Variants in CNTN5 observed in about 807,000 individuals in gnomAD.
CNTN5 encodes the protein contactin-5.
A neutral mutation model predicts 129.1 loss-of-function variants in CNTN5; 77 were observed. The ratio of observed to expected loss-of-function variants is 0.60; its 90% CI spans 0.50 to 0.72. The LOEUF is 0.72. CNTN5 is among the 30% of genes least tolerant of loss of function. The pLI is 0.00. For synonymous variants in CNTN5, 509 were observed against 465.6 expected (o/e 1.09, Z -1.20); for missense variants, 1,478 against 1,328.8 (o/e 1.11, Z -1.75).
chr11:99,371,604 A>G (rs1382880222), intron 2 of CNTN5, among the ~76,000 whole-genome samples: 1 of 152,174 alleles, frequency 6.6e-6, no homozygotes, highest in Admixed American at 6.5e-5. Flanking sequence ...GTTACAGATT[A>G]ACTTTGATAT....
At position 99,883,301 on chromosome 11, in the gene CNTN5, C is replaced by T. The variant is rs573625974; in HGVS notation, c.578-32753C>T. ...TTTGAGGAACCTCCAAACTGTTCTC[C>T]GTAGTGGCTGTACTAATTTACATTT... is the stretch of plus-strand genomic sequence containing the variant. On this transcript the variant is annotated intron_variant, in intron 6 of 24. Coordinates refer to ENST00000524871, the MANE Select transcript of CNTN5 (RefSeq NM_014361.4). 2.6e-5 allele frequency among the ~76,000 whole-genome samples: 4 copies of T among 152,258 alleles called. No individual in the cohort carries two copies. The South Asian group carries it at 6.2e-4, about 24-fold the overall frequency.
At chr11:99,161,053 G>A (rs989969474) in intron 1 of CNTN5, among the ~76,000 whole-genome samples, 31 of 152,106 alleles carry the variant, frequency 2.0e-4, no homozygotes, top group Non-Finnish European at 4.4e-5. Flanking sequence ...TGTAGAAAAA[G>A]TGGACCACGG....
intron 3 of CNTN5, among the ~76,000 whole-genome samples, chr11:99,756,843 T>C (rs1408332454): frequency 6.6e-6 from 1 of 150,838 alleles, no homozygotes; most frequent in Non-Finnish European, 1.5e-5. Context: ...ATGTATTATA[T>C]AAAAAGAAAT....
chr11:100,155,450 A>C (rs1591326385), intron 13 of CNTN5, among the ~76,000 whole-genome samples: 1 of 152,140 alleles, frequency 6.6e-6, no homozygotes, highest in East Asian at 1.9e-4. Flanking sequence ...GAAGTCCGAG[A>C]GCATGATGCC....
intron 13 of CNTN5, among the ~76,000 whole-genome samples, chr11:100,138,249 G>GA (rs60393448): frequency 0.46 from 68,312 of 147,428 alleles, 16,984 homozygotes; most frequent in African/African-American, 0.67. Context: ...TGGCACTAAG[G>GA]AAAAAAAAAA....
intron 3 of CNTN5, among the ~76,000 whole-genome samples, chr11:99,610,712 T>A (rs1338071088): frequency 6.6e-6 from 1 of 152,106 alleles, no homozygotes; most frequent in African/African-American, 2.4e-5. Context: ...TAGGAAATGA[T>A]AAAAGTTAGA....
chr11:99,071,394 G>C (rs1348242577), intron 1 of CNTN5, among the ~76,000 whole-genome samples: 1 of 151,854 alleles, frequency 6.6e-6, no homozygotes, highest in African/African-American at 2.4e-5. Flanking sequence ...AACTAAAAAT[G>C]TCAAAAGAGT....
intron 6 of CNTN5, among the ~76,000 whole-genome samples, chr11:99,885,968 T>C (rs1471256554): frequency 1.3e-5 from 2 of 152,062 alleles, no homozygotes; most frequent in South Asian, 2.1e-4. Flanking sequence ...ACAGAGAAAA[T>C]ACTAATCCAT....
intron 2 of CNTN5, among the ~76,000 whole-genome samples, chr11:99,496,219 G>C (rs1368570803): frequency 6.6e-6 from 1 of 152,086 alleles, no homozygotes; most frequent in Non-Finnish European, 1.5e-5. Flanking sequence ...GTCACACTCT[G>C]TGAAGTTTAA....
At chr11:99,031,554 G>A (rs895099061) in intron 1 of CNTN5, among the ~76,000 whole-genome samples, 1 of 151,784 alleles carries the variant, frequency 6.6e-6, no homozygotes, top group Non-Finnish European at 1.5e-5. Context: ...AAGCAGACAG[G>A]AGAGGGAGCT....
chr11:99,232,945 A>G (rs1467669962), intron 1 of CNTN5, among the ~76,000 whole-genome samples: 1 of 152,206 alleles, frequency 6.6e-6, no homozygotes, highest in Non-Finnish European at 1.5e-5. Context: ...TAAAATGAAG[A>G]CAATGTGAAC....
Position 100,271,111 on chromosome 11 carries a change from G to T in CNTN5, c.2184G>T (p.Gly728=), listed in dbSNP as rs767870477. ...TVKTVPEIIT[G]DMESAMAVDL... The stretch of plus-strand genomic sequence containing the variant: ...CTATAGTCCCAGAAATCATAACAGG[G>T]GACATGGAGTCAGCCATGGCTGTGG... Residue 728 remains glycine (G), a synonymous_variant, in exon 18 of 25, where the codon GGG becomes GGT. Coordinates refer to ENST00000524871, the MANE Select transcript of CNTN5 (RefSeq NM_014361.4). 1.9e-5 allele frequency: 30 copies of T among 1,609,340 alleles called. No individual in the cohort carries two copies. The highest frequency in any genetic ancestry group is 2.5e-5 in the Non-Finnish European group (29 of 1,178,348).
intron 9 of CNTN5, among the ~76,000 whole-genome samples, chr11:100,052,003 C>T (rs565207237): frequency 2.6e-5 from 4 of 151,928 alleles, no homozygotes; most frequent in South Asian, 4.2e-4. Context: ...TGAATTCTAT[C>T]AAACATGTAA....
chr11:100,071,905 AC>A, intron 12 of CNTN5, 71 bp downstream of exon 12: 1 of 1,320,152 alleles, frequency 7.6e-7, no homozygotes, highest in Non-Finnish European at 1.0e-6. Flanking sequence ...TTTTTACTAT[AC>A]TGAAGGTTTA....
intron 1 of CNTN5, among the ~76,000 whole-genome samples, chr11:99,175,081 A>G (rs1199287683): frequency 6.6e-6 from 1 of 152,014 alleles, no homozygotes; most frequent in African/African-American, 2.4e-5. Context: ...AAGATATGAA[A>G]AAAGAAGCCA....
At chr11:100,006,211 A>T (rs1940180518) in intron 9 of CNTN5, among the ~76,000 whole-genome samples, 1 of 152,166 alleles carries the variant, frequency 6.6e-6, no homozygotes. Context: ...ATAAGTCTTC[A>T]GCAAATTATC....
rs532437349 is a variant in CNTN5 at position 99,496,781 on chromosome 11, G to A, written c.-70-59364G>A. ...CAAGAGGTGGTAAGTAACTGGGGTT[G>A]GATGTTGTGAAAACACTCTCCATTC... is the stretch of plus-strand genomic sequence containing the variant. On this transcript the variant is annotated intron_variant, in intron 2 of 24. Transcript: ENST00000524871. Among the ~76,000 whole-genome samples the A allele has an allele frequency of 3.3e-5, 5 of 152,272 alleles. No homozygotes were observed. The South Asian group carries it at 1.0e-3, about 32-fold the overall frequency.
intron 2 of CNTN5, among the ~76,000 whole-genome samples, chr11:99,382,504 A>T (rs1419576440): frequency 6.6e-6 from 1 of 152,160 alleles, no homozygotes; most frequent in African/African-American, 2.4e-5. Context: ...ATTTACAGTC[A>T]CAATAGTTCC....
At chr11:99,947,028 GTA>G (rs1443012444) in intron 7 of CNTN5, among the ~76,000 whole-genome samples, 106 of 80,010 alleles carry the variant, frequency 1.3e-3, no homozygotes, top group African/African-American at 5.0e-3. Context: ...ATGAAAATGA[GTA>G]TGTTTTACAT....
Sources: allele counts gnomAD v4.1 joint callset (sites outside exome capture counted in the v4.1 genomes callset), GRCh38; gene constraint gnomAD v4.1.1; transcripts MANE v1.5; gene names NCBI Gene and HGNC (gene_info 2026-07-23, HGNC 2026-07-21).